Variants in DCLK2 observed in about 807,000 individuals in gnomAD.
DCLK2 encodes serine/threonine-protein kinase DCLK2.
In DCLK2, 31 loss-of-function variants were observed where a neutral mutation model predicts 78.4. That is an observed-to-expected ratio of 0.40 (90% CI 0.30 to 0.53). The LOEUF (loss-of-function observed/expected upper bound fraction) is 0.53. Ranked by LOEUF, DCLK2 falls within the 20% of genes least tolerant of loss-of-function variation. The probability of loss-of-function intolerance (pLI) is 0.61; values close to 1 mark genes in which losing one functional copy is unlikely to be tolerated. For missense variants in DCLK2, 872 were observed against 973.7 expected (o/e 0.90, Z 1.39); for synonymous variants, 407 against 374.9 (o/e 1.09, Z -0.99).
intron 1 of DCLK2, among the ~76,000 whole-genome samples, chr4:150,087,303 C>T (rs1414404275): frequency 6.6e-6 from 1 of 152,160 alleles, no homozygotes; most frequent in African/African-American, 2.4e-5. Context: ...TACTCTGTTA[C>T]CTTTTGTTTA....
intron 2 of DCLK2, among the ~76,000 whole-genome samples, chr4:150,113,697 CT>C (rs59728799): frequency 0.2 from 27,608 of 141,234 alleles, 2,977 homozygotes; most frequent in Non-Finnish European, 0.26. Context: ...AAGAACCAAC[CT>C]TTTTTTTTTT....
chr4:150,229,412 G>C (rs1741872578), intron 8 of DCLK2, among the ~76,000 whole-genome samples: 1 of 152,170 alleles, frequency 6.6e-6, no homozygotes, highest in Admixed American at 6.5e-5. Context: ...TGGATGAATG[G>C]ATGGATTCAG....
intron 2 of DCLK2, among the ~76,000 whole-genome samples, chr4:150,103,118 T>C (rs1029856483): frequency 2.0e-5 from 3 of 152,164 alleles, no homozygotes; most frequent in Admixed American, 2.0e-4. Flanking sequence ...GGAGACATCC[T>C]ACGTTAAATG....
At chr4:150,251,394 T>C (rs578080782) in intron 15 of DCLK2, among the ~76,000 whole-genome samples, 3 of 834 alleles carry the variant, frequency 3.6e-3, no homozygotes, top group Non-Finnish European at 3.8e-3. Context: ...CCCACACACC[T>C]CACACCCCCC....
chr4:150,220,263 A>C (rs1247840226), intron 5 of DCLK2, among the ~76,000 whole-genome samples: 1 of 152,210 alleles, frequency 6.6e-6, no homozygotes, highest in African/African-American at 2.4e-5. Context: ...AAAAAAATTA[A>C]ATTTTGAAAA....
At chr4:150,248,827 G>C (rs72951580) in intron 14 of DCLK2, among the ~76,000 whole-genome samples, 5,383 of 152,156 alleles carry the variant, frequency 0.035, 307 homozygotes, top group African/African-American at 0.12. Context: ...AGACAGGATC[G>C]CTTCAGAGCT....
At chr4:150,252,009 G>T (rs549512032) in intron 15 of DCLK2, among the ~76,000 whole-genome samples, 1 of 152,076 alleles carries the variant, frequency 6.6e-6, no homozygotes, top group African/African-American at 2.4e-5. Context: ...GCAGGACTTT[G>T]GGGGCGCTCT....
chr4:150,192,480 A>AAAG (rs1738528382), intron 2 of DCLK2, among the ~76,000 whole-genome samples: 1 of 150,708 alleles, frequency 6.6e-6, no homozygotes, highest in Admixed American at 6.6e-5. Context: ...TTGCGTCTCA[A>AAAG]AAAAAAAAAA....
intron 1 of DCLK2, among the ~76,000 whole-genome samples, chr4:150,098,064 T>C (rs949541777): frequency 6.6e-6 from 1 of 152,268 alleles, no homozygotes; most frequent in African/African-American, 2.4e-5. Context: ...GAACCTATCA[T>C]AGCATTTGGG....
rs535589019 is a variant in DCLK2 at position 150,187,863 on chromosome 4, G to A, written c.757-5275G>A. 9.0e-4 allele frequency among the ~76,000 whole-genome samples: 135 copies of A among 149,820 alleles called. 1 individual carries two copies. Among genetic ancestry groups the A allele is most frequent in the Middle Eastern group, 6.9e-3 (2 of 288 alleles). On this transcript the variant is annotated intron_variant, in intron 2 of 15. Transcript: ENST00000296550. Reference sequence around the variant, plus strand: ...TCGCTAGGCTGGAGTGCAGTGGTGCGATCTCGGCTCACTGCAACCTCTGCC... The same window carrying A: ...TCGCTAGGCTGGAGTGCAGTGGTGCAATCTCGGCTCACTGCAACCTCTGCC...
intron 2 of DCLK2, among the ~76,000 whole-genome samples, chr4:150,190,296 T>TAGATAGGC (rs1280770865): frequency 7.2e-6 from 1 of 138,124 alleles, no homozygotes; most frequent in Non-Finnish European, 1.5e-5. Context: ...GATAGATAGA[T>TAGATAGGC]AGGCAGACAG....
chr4:150,221,133 T>G (rs1371969085), intron 6 of DCLK2, among the ~76,000 whole-genome samples: 1 of 152,212 alleles, frequency 6.6e-6, no homozygotes, highest in East Asian at 1.9e-4. Flanking sequence ...GGACATGTAG[T>G]GAGAAGTGGG....
At position 150,136,355 on chromosome 4, in the gene DCLK2, G is replaced by A. The variant is rs551317132; in HGVS notation, c.756+33543G>A. On this transcript the variant is annotated intron_variant, in intron 2 of 15. Transcript: ENST00000296550. ...GTGGTGCTGACTACACTGGAGCTGAGGAGGTTGCCTGACCATCACTGTGAT... is the reference window on the plus strand; with the variant it reads ...GTGGTGCTGACTACACTGGAGCTGAAGAGGTTGCCTGACCATCACTGTGAT... Among the ~76,000 whole-genome samples the A allele has an allele frequency of 6.6e-4, 100 of 152,312 alleles. 1 individual carries two copies. In the South Asian group the frequency reaches 0.019, roughly 29 times the overall value.
At chr4:150,208,233 G>A (rs571005929) in intron 5 of DCLK2, among the ~76,000 whole-genome samples, 4 of 152,200 alleles carry the variant, frequency 2.6e-5, no homozygotes, top group African/African-American at 4.8e-5. Context: ...ACCAAAAGAG[G>A]GGCTAAGCAG....
chr4:150,198,258 A>G (rs1464444535), intron 4 of DCLK2, among the ~76,000 whole-genome samples, 155 bp downstream of exon 4: 4 of 152,218 alleles, frequency 2.6e-5, no homozygotes, highest in African/African-American at 9.6e-5. Flanking sequence ...CCAAAAGTCA[A>G]GTCTGTTTCC....
chr4:150,083,536 A>G (rs775800280), intron 1 of DCLK2, among the ~76,000 whole-genome samples: 2 of 152,208 alleles, frequency 1.3e-5, no homozygotes, highest in Non-Finnish European at 2.9e-5. Context: ...AAATAAACCA[A>G]AATACGTTTC....
intron 10 of DCLK2, among the ~76,000 whole-genome samples, chr4:150,234,922 C>T (rs549140222): frequency 1.1e-4 from 16 of 152,204 alleles, no homozygotes; most frequent in Non-Finnish European, 2.2e-4. Flanking sequence ...CCTCCACCGT[C>T]GAACTGAGTT....
At chr4:150,185,145 A>G (rs1417511750) in intron 2 of DCLK2, among the ~76,000 whole-genome samples, 1 of 152,230 alleles carries the variant, frequency 6.6e-6, no homozygotes, top group African/African-American at 2.4e-5. Flanking sequence ...GGGAGGCCTC[A>G]GGAAACTTAC....
chr4:150,102,299 C>A (rs1326732646), intron 1 of DCLK2, among the ~76,000 whole-genome samples, 179 bp from the exon 2 acceptor site: 2 of 152,118 alleles, frequency 1.3e-5, no homozygotes, highest in Non-Finnish European at 2.9e-5. Context: ...CAAAACCAAT[C>A]TAGACTATTT....
Sources: allele counts gnomAD v4.1 joint callset (sites outside exome capture counted in the v4.1 genomes callset), GRCh38; gene constraint gnomAD v4.1.1; transcripts MANE v1.5; gene names NCBI Gene and HGNC (gene_info 2026-07-23, HGNC 2026-07-21).